The following ARFGAP1 variants were observed in gnomAD, a reference collection of about 807,000 sequenced individuals.
The protein encoded by ARFGAP1 is ARF GTPase activating protein 1.
A neutral mutation model predicts 54.0 loss-of-function variants in ARFGAP1; 26 were observed. The observed-to-expected ratio is 0.48, with a 90% confidence interval of 0.35 to 0.67. The LOEUF is 0.67. Among genes scored for constraint, ARFGAP1 ranks in the 30% least tolerant of loss-of-function variants. ARFGAP1 has a pLI of 0.00. For missense variants in ARFGAP1, 525 were observed against 535.8 expected (o/e 0.98, Z 0.20); for synonymous variants, 248 against 211.9 (o/e 1.17, Z -1.48).
At chr20:63,284,626 G>C in intron 9 of ARFGAP1, 1 of 1,377,344 alleles carries the variant, frequency 7.3e-7, no homozygotes, top group Non-Finnish European at 9.4e-7. Context: ...GAGGACCCTG[G>C]AGGGGGACCT....
intron 1 of ARFGAP1, 121 bp downstream of exon 1, chr20:63,273,041 C>T (rs1022598221): frequency 2.0e-5 from 3 of 152,116 alleles, no homozygotes; most frequent in African/African-American, 7.2e-5. Context: ...CCGCTCCACC[C>T]TGAGGCTGCT....
At chr20:63,283,230 C>T (rs1370848964) in intron 9 of ARFGAP1, 12 of 306,454 alleles carry the variant, frequency 3.9e-5, no homozygotes, top group East Asian at 6.8e-5. Flanking sequence ...ACACTGGACG[C>T]GTCTGCACTT....
chr20:63,283,085 G>A lies in ARFGAP1; in HGVS notation c.717+234G>A, dbSNP rs1362793912. ...GGCCAAACTCGTTTCCTGTTCACTG[G>A]TAGCTGGTACCGGTGTGTGGCCACT... On this transcript the variant is annotated intron_variant, in intron 9 of 12. Coordinates refer to ENST00000370283, the MANE Select transcript of ARFGAP1 (RefSeq NM_018209.4). The A allele has an allele frequency of 8.7e-6, 5 of 576,856 alleles. No individual in the cohort carries two copies. The South Asian group carries it at 1.0e-4, about 12-fold the overall frequency. The allele number at this position is 576,856 out of a possible 1,614,324, so 35.7% of individuals were successfully genotyped here.
chr20:63,282,324 C>T lies in ARFGAP1; in HGVS notation c.685-495C>T, dbSNP rs1011381709. On this transcript the variant is annotated intron_variant, in intron 8 of 12. Transcript: ENST00000370283. ...GGCCTGGGGAGGCCCAGGTACCTTC[C>T]AGCCAGAGTGTCACGACCGGGCCTT... Among the ~76,000 whole-genome samples the T allele has an allele frequency of 6.6e-5, 10 of 152,276 alleles. No individual in the cohort carries two copies. In the East Asian group the frequency reaches 1.3e-3, roughly 21 times the overall value.
intron 4 of ARFGAP1, 106 bp from the exon 5 acceptor site, chr20:63,277,099 T>G: frequency 1.1e-6 from 1 of 894,700 alleles, no homozygotes; most frequent in Non-Finnish European, 1.7e-6. Flanking sequence ...AGGCTGCGGG[T>G]GGTGGGTGCT....
intron 9 of ARFGAP1, chr20:63,283,786 G>A: frequency 6.3e-7 from 1 of 1,596,734 alleles, no homozygotes; most frequent in South Asian, 1.1e-5. Context: ...CGAAGGCGCT[G>A]CTGGTTACTA....
At chr20:63,285,504 C>A (rs976427149) in intron 10 of ARFGAP1, 150 bp from the exon 11 acceptor site, 14 of 775,496 alleles carry the variant, frequency 1.8e-5, no homozygotes, top group Admixed American at 6.6e-5. Flanking sequence ...CCCTTTGGGG[C>A]CACTGTAGAA....
chr20:63,286,554 GTGGAGGCTCTCC>G, intron 12 of ARFGAP1, 112 bp downstream of exon 12: 1 of 1,074,748 alleles, frequency 9.3e-7, no homozygotes, highest in Non-Finnish European at 1.4e-6. Flanking sequence ...AAGGGGCACT[GTGGAGGCTCTCC>G]GGGAGGTGGC....
intron 9 of ARFGAP1, chr20:63,284,563 A>C (rs1481527687): frequency 6.3e-6 from 8 of 1,262,160 alleles, no homozygotes; most frequent in Non-Finnish European, 8.1e-6. Flanking sequence ...CAGGCTCCAC[A>C]GGGCCTGTTC....
chr20:63,281,863 G>A (rs2067389346), intron 8 of ARFGAP1, among the ~76,000 whole-genome samples: 3 of 152,320 alleles, frequency 2.0e-5, no homozygotes, highest in Admixed American at 2.0e-4. Flanking sequence ...CCCGGGGGCT[G>A]GGCTGTGGTG....
chr20:63,280,780 G>A (rs144525267), intron 7 of ARFGAP1, among the ~76,000 whole-genome samples: 203 of 152,378 alleles, frequency 1.3e-3, no homozygotes, highest in African/African-American at 4.7e-3. Flanking sequence ...TCTCAAGTGA[G>A]GGTCCCTTTG....
At chr20:63,279,653 G>A (rs899111374) in intron 7 of ARFGAP1, among the ~76,000 whole-genome samples, 1 of 152,196 alleles carries the variant, frequency 6.6e-6, no homozygotes, top group African/African-American at 2.4e-5. Context: ...CTCTGTGCTT[G>A]GGTCTCTGGC....
chr20:63,279,723 G>A (rs570099171), intron 7 of ARFGAP1, among the ~76,000 whole-genome samples: 2 of 152,322 alleles, frequency 1.3e-5, no homozygotes, highest in East Asian at 3.9e-4. Context: ...CTGGTCTGGG[G>A]ATGCCTGGAA....
chr20:63,284,278 T>C, intron 9 of ARFGAP1: 1 of 1,111,304 alleles, frequency 9.0e-7, no homozygotes, highest in Non-Finnish European at 1.1e-6. Flanking sequence ...ATCTTTGCTC[T>C]GTGACGAGTT....
chr20:63,274,551 T>C (rs6011711), intron 1 of ARFGAP1, among the ~76,000 whole-genome samples: 1 of 152,148 alleles, frequency 6.6e-6, no homozygotes, highest in East Asian at 1.9e-4. Flanking sequence ...GCGTGTTCTC[T>C]GTGTAGTGAG....
rs566272613 is a variant in ARFGAP1, at chr20:63,288,053, G to A, written c.*180G>A. 3.9e-5 allele frequency: 28 copies of A among 722,766 alleles called. No homozygotes were observed. In the East Asian group the frequency reaches 5.2e-4, roughly 13 times the overall value. 44.8% of individuals were successfully genotyped at this position (722,766 alleles called of 1,614,324 possible). Reference sequence around the variant, plus strand: ...CGCCGCCTGCGCGTGGGGAGTCTTCGGTGCGTGGGGGCGGCTTGCTGTCCA... The same window carrying A: ...CGCCGCCTGCGCGTGGGGAGTCTTCAGTGCGTGGGGGCGGCTTGCTGTCCA... On this transcript the variant is annotated 3_prime_UTR_variant, in exon 13 of 13. Transcript: ENST00000370283.
chr20:63,288,170 A>G lies in ARFGAP1; in HGVS notation c.*297A>G. On this transcript the variant is annotated 3_prime_UTR_variant, in exon 13 of 13. Transcript: ENST00000370283. ...CGTGGCTTGCTGGGAGGTGGGCTGCAGCACAGAGGCCTGTGACTGCGTTCC... is the reference window on the plus strand; with the variant it reads ...CGTGGCTTGCTGGGAGGTGGGCTGCGGCACAGAGGCCTGTGACTGCGTTCC... The G allele has an allele frequency of 1.7e-6, 1 of 585,994 alleles. No homozygotes were observed. 36.3% of individuals were successfully genotyped at this position (585,994 alleles called of 1,614,324 possible). A position where few individuals can be genotyped will look rare whatever the true frequency, so the allele number is the denominator to read the frequency against.
chr20:63,284,504 G>A, intron 9 of ARFGAP1: 1 of 1,134,114 alleles, frequency 8.8e-7, no homozygotes, highest in South Asian at 2.4e-5. Flanking sequence ...GGAAGGAGAG[G>A]CGTTGCAGGT....
At position 63,287,596 on chromosome 20, in the gene ARFGAP1, G is replaced by C; in HGVS notation, c.944G>C (p.Gly315Ala). 6.2e-7 allele frequency: 1 copy of C among 1,609,648 alleles called. No homozygotes were observed. The highest frequency in any genetic ancestry group is 8.5e-7 in the Non-Finnish European group (1 of 1,177,592). ...GAGGGCCACAGTTATCAGAACAGCG[G>C]TCTGGACCACTTCCAAAACAGCAAC... ...PSEGHSYQNSGLDHFQNSNID... is the reference protein window; with the variant it reads ...PSEGHSYQNSALDHFQNSNID... The change falls in exon 13 of 13, where the codon GGT becomes GCT. Residue 315 changes from glycine to alanine, a missense_variant. Physicochemically the swap from Gly to Ala is moderately conservative, Grantham distance 60. Coordinates refer to ENST00000370283, the MANE Select transcript of ARFGAP1 (RefSeq NM_018209.4).
Sources: gnomAD v4.1 joint callset for allele counts (sites outside exome capture counted in the v4.1 genomes callset) on GRCh38, gnomAD v4.1.1 for gene constraint, MANE v1.5 for transcripts, NCBI Gene and HGNC (gene_info 2026-07-23, HGNC 2026-07-21) for gene names.